KIAA0232: variants seen among roughly 807,000 people sequenced by gnomAD.
The protein encoded by KIAA0232 is KIAA0232, also known as uncharacterized protein KIAA0232.
A neutral mutation model predicts 122.0 loss-of-function variants in KIAA0232; 27 were observed. That is an observed-to-expected ratio of 0.22 (90% confidence interval 0.16 to 0.31). KIAA0232 has a LOEUF of 0.31. KIAA0232 is among the 10% of genes least tolerant of loss of function. The pLI is 1.00. For synonymous variants in KIAA0232, 613 were observed against 587.6 expected (o/e 1.04, Z -0.63); for missense variants, 1,551 against 1,634.2 (o/e 0.95, Z 0.88).
At chr4:6,875,240 C>A (rs774830206) in intron 8 of KIAA0232, among the ~76,000 whole-genome samples, 4 of 152,250 alleles carry the variant, frequency 2.6e-5, no homozygotes, top group Admixed American at 6.5e-5. Context: ...CGGCACTGTG[C>A]TTGAGGCTTC....
chr4:6,833,921 T>A (rs1047915887), intron 3 of KIAA0232, among the ~76,000 whole-genome samples: 5 of 152,216 alleles, frequency 3.3e-5, no homozygotes, highest in Admixed American at 6.5e-5. Context: ...TCCTGTTCTC[T>A]CTTTCCCTTT....
chr4:6,800,357 A>G (rs6815158), intron 1 of KIAA0232, among the ~76,000 whole-genome samples: 2,747 of 146,996 alleles, frequency 0.019, 81 homozygotes, highest in African/African-American at 0.063. Context: ...CGTATGCTCT[A>G]TTTTCTTGAT....
chr4:6,866,434 A>G (rs188909507), intron 7 of KIAA0232, among the ~76,000 whole-genome samples: 2 of 152,352 alleles, frequency 1.3e-5, no homozygotes, highest in East Asian at 1.9e-4. Context: ...AGCTTACTTC[A>G]TAGATTCATC....
At chr4:6,858,372 C>T in intron 5 of KIAA0232, 53 bp from the exon 6 acceptor site, 2 of 1,066,466 alleles carry the variant, frequency 1.9e-6, no homozygotes, top group Non-Finnish European at 2.7e-6. Flanking sequence ...AATACATTAG[C>T]ATTTATTAAC....
chr4:6,841,930 G>A (rs865956618), intron 3 of KIAA0232, 137 bp from the exon 4 acceptor site: 10 of 966,342 alleles, frequency 1.0e-5, no homozygotes, highest in East Asian at 2.7e-5. Flanking sequence ...TCCCTTCGTC[G>A]CAGAAATAGA....
intron 4 of KIAA0232, among the ~76,000 whole-genome samples, 185 bp from the exon 5 acceptor site, chr4:6,856,979 A>T (rs1283608236): frequency 2.0e-5 from 3 of 152,252 alleles, no homozygotes; most frequent in Non-Finnish European, 4.4e-5. Context: ...AGTAATAAGC[A>T]TGTATACCAA....
At position 6,882,625 on chromosome 4, in the gene KIAA0232, G is replaced by GGTGTGTGTGT. The variant is rs61021076; in HGVS notation, c.*1673_*1682dup. 6.6e-6 allele frequency: 1 copy of GGTGTGTGTGT among 150,556 alleles called. No homozygotes were observed. The highest frequency in any genetic ancestry group is 1.5e-5 in the Non-Finnish European group (1 of 67,596). The allele number at this position is 150,556 out of a possible 1,614,324, so 9.3% of individuals were successfully genotyped here. Reference sequence around the variant, plus strand: ...ATTTTTTGACACTTTAAGGTGGGTGGGTGTGTGTGTGTGTGTGTGTGTGCG... The same window carrying GGTGTGTGTGT: ...ATTTTTTGACACTTTAAGGTGGGTGGGTGTGTGTGTGTGTGTGTGTGTGTGTGTGTGTGCG... On this transcript the variant is annotated 3_prime_UTR_variant, in exon 10 of 10. Coordinates refer to ENST00000307659, the MANE Select transcript of KIAA0232 (RefSeq NM_014743.3).
rs576721563 is a variant in KIAA0232, at chr4:6,873,015, A to G, written c.3910+1333A>G. On this transcript the variant is annotated intron_variant, in intron 8 of 9. Coordinates refer to ENST00000307659, the MANE Select transcript of KIAA0232 (RefSeq NM_014743.3). The stretch of plus-strand genomic sequence containing the variant: ...AAGGAGAGCGTAGAGCTGAGTCTTC[A>G]CTGTTAGCGTCTTCGTTGATTGAAC... 4.6e-5 allele frequency among the ~76,000 whole-genome samples: 7 copies of G among 152,296 alleles called. No homozygotes were observed. In the South Asian group the frequency reaches 1.2e-3, roughly 27 times the overall value.
intron 1 of KIAA0232, among the ~76,000 whole-genome samples, chr4:6,793,989 C>G (rs554946685): frequency 4.5e-4 from 69 of 152,312 alleles, no homozygotes; most frequent in Middle Eastern, 3.4e-3. Context: ...TCTATTCATT[C>G]ATAAAGTATT....
At chr4:6,864,311 A>G in intron 7 of KIAA0232, 128 bp downstream of exon 7, 1 of 1,051,378 alleles carries the variant, frequency 9.5e-7, no homozygotes. Context: ...TAAAACTTAA[A>G]TTGTTCTAAT....
chr4:6,783,512 C>T (rs1260106471), intron 1 of KIAA0232, among the ~76,000 whole-genome samples: 2 of 152,274 alleles, frequency 1.3e-5, no homozygotes, highest in Non-Finnish European at 2.9e-5. Context: ...TCCCCGGCAG[C>T]GGGGTCAGGC....
Position 6,863,778 on chromosome 4 carries a change from A to G in KIAA0232, c.3396A>G (p.Glu1132=), listed in dbSNP as rs916454665. 6.2e-7 allele frequency: 1 copy of G among 1,614,204 alleles called. No individual in the cohort carries two copies. The change falls in exon 7 of 10, where the codon GAA becomes GAG. Residue 1132 remains glutamate (E), a synonymous_variant. Transcript: ENST00000307659. ...CAGAATTTGAATCTGAGAAAGATGAAGCAAATATTCCCATTCCTTCTCAAG... is the reference window on the plus strand; with the variant it reads ...CAGAATTTGAATCTGAGAAAGATGAGGCAAATATTCCCATTCCTTCTCAAG... ...SESEFESEKD[E]ANIPIPSQVD... is the part of the protein sequence containing the mutation.
intron 2 of KIAA0232, among the ~76,000 whole-genome samples, chr4:6,813,510 C>G (rs1319073822): frequency 2.0e-5 from 3 of 151,880 alleles, no homozygotes; most frequent in Non-Finnish European, 4.4e-5. Context: ...CTACAGGTGC[C>G]TGCCACCACG....
intron 1 of KIAA0232, among the ~76,000 whole-genome samples, chr4:6,796,977 A>T (rs1717160089): frequency 1.3e-5 from 2 of 152,180 alleles, no homozygotes; most frequent in Admixed American, 6.5e-5. Flanking sequence ...ACATTTACTG[A>T]CAACAGTCAG....
chr4:6,875,246 G>A (rs549953234), intron 8 of KIAA0232, among the ~76,000 whole-genome samples: 10 of 152,380 alleles, frequency 6.6e-5, no homozygotes, highest in African/African-American at 1.7e-4. Flanking sequence ...TGTGCTTGAG[G>A]CTTCACCTCT....
chr4:6,861,134 G>A lies in KIAA0232; in HGVS notation c.752G>A (p.Ser251Asn), dbSNP rs1340437622. The A allele has an allele frequency of 1.2e-6, 2 of 1,614,152 alleles. No individual in the cohort carries two copies. Among genetic ancestry groups the A allele is most frequent in the Non-Finnish European group, 1.7e-6 (2 of 1,180,032 alleles). ...TTVHEKTQSK[S>N]KNEKENKFSN... ...GTGCATGAGAAAACCCAGAGCAAAA[G>A]CAAAAACGAGAAGGAAAACAAATTT... The change falls in exon 7 of 10, where the codon AGC becomes AAC. Residue 251 changes from serine to asparagine, a missense_variant. Transcript: ENST00000307659.
At chr4:6,845,498 T>C (rs1164705204) in intron 4 of KIAA0232, among the ~76,000 whole-genome samples, 4 of 152,114 alleles carry the variant, frequency 2.6e-5, no homozygotes, top group African/African-American at 9.7e-5. Flanking sequence ...CCAGCCAAAA[T>C]GGTGTTTTCT....
In KIAA0232 at chr4:6,863,666, C is replaced by A. The variant is rs1286342436; in HGVS notation, c.3284C>A (p.Thr1095Lys). 6.2e-7 allele frequency: 1 copy of A among 1,614,178 alleles called. No homozygotes were observed. Residue 1095 changes from threonine to lysine, a missense_variant, in exon 7 of 10, where the codon ACA (threonine) becomes AAA (lysine). Thr to Lys is a moderately conservative substitution (Grantham distance 78). Around this residue, in one of 5 missense-constraint regions of KIAA0232, gnomAD observed 1,108 missense variants for 1,154.8 expected, o/e 0.96. Transcript: ENST00000307659. ...FHPRICGVDR[T>K]QYRAIRISPR... ...CCCAGGATATGTGGTGTTGACAGAACACAATACAGGGCTATTCGGATCTCT... is the reference window on the plus strand; with the variant it reads ...CCCAGGATATGTGGTGTTGACAGAAAACAATACAGGGCTATTCGGATCTCT...
chr4:6,809,754 T>C (rs1326362805), intron 2 of KIAA0232, among the ~76,000 whole-genome samples: 4 of 152,022 alleles, frequency 2.6e-5, no homozygotes, highest in African/African-American at 9.7e-5. Flanking sequence ...AAAATCGGCA[T>C]ACAAAAATCA....
Sources: gnomAD v4.1 joint callset for allele counts (sites outside exome capture counted in the v4.1 genomes callset) on GRCh38, gnomAD v4.1.1 for gene constraint, gnomAD v4.1.1 regional missense constraint, MANE v1.5 for transcripts, NCBI Gene and HGNC (gene_info 2026-07-23, HGNC 2026-07-21) for gene names.